FAM227B: variants seen among roughly 807,000 people sequenced by gnomAD.
FAM227B encodes family with sequence similarity 227 member B, also known as protein FAM227B.
In FAM227B, 88 loss-of-function variants were observed where a neutral mutation model predicts 73.8. The observed-to-expected ratio is 1.19, with a 90% CI of 1.00 to 1.42. The LOEUF (loss-of-function observed/expected upper bound fraction) is 1.42. Ranked by LOEUF, FAM227B falls within the 40% of genes most tolerant of loss-of-function variation. The pLI is 0.00. For synonymous variants in FAM227B, 210 were observed against 190.5 expected (o/e 1.10, Z -0.84); for missense variants, 632 against 590.9 (o/e 1.07, Z -0.72).
chr15:49,601,365 A>G (rs962199036), intron 3 of FAM227B, among the ~76,000 whole-genome samples: 3 of 152,032 alleles, frequency 2.0e-5, no homozygotes, highest in Non-Finnish European at 4.4e-5. Context: ...TTTTGGGATG[A>G]TAACAACTTC....
At chr15:49,362,769 A>C (rs1310857221) in intron 13 of FAM227B, among the ~76,000 whole-genome samples, 3 of 152,068 alleles carry the variant, frequency 2.0e-5, no homozygotes, top group Non-Finnish European at 4.4e-5. Context: ...TCTTACACTT[A>C]AGTCTTTCAT....
intron 10 of FAM227B, among the ~76,000 whole-genome samples, chr15:49,519,864 T>C (rs2059656722): frequency 6.6e-6 from 1 of 152,192 alleles, no homozygotes; most frequent in Admixed American, 6.5e-5. Context: ...CCTCAGAAAA[T>C]GGGCTTTTCT....
intron 9 of FAM227B, among the ~76,000 whole-genome samples, chr15:49,550,210 G>A (rs1462967147): frequency 1.4e-5 from 2 of 139,838 alleles, no homozygotes; most frequent in African/African-American, 2.7e-5. Context: ...GCGGGGGGCT[G>A]ACCCCCCCAC....
intron 10 of FAM227B, among the ~76,000 whole-genome samples, chr15:49,520,121 T>C (rs1200281783): frequency 2.0e-5 from 3 of 152,152 alleles, no homozygotes; most frequent in African/African-American, 7.2e-5. Flanking sequence ...ATTAGTCTCT[T>C]TGCTAAAGAG....
At chr15:49,395,932 A>T (rs981176304) in intron 11 of FAM227B, 60 of 455,866 alleles carry the variant, frequency 1.3e-4, no homozygotes, top group African/African-American at 1.2e-3. Flanking sequence ...CATGAATGCC[A>T]TGTCCAAAGA....
intron 10 of FAM227B, among the ~76,000 whole-genome samples, chr15:49,527,215 G>T (rs1182167440): frequency 6.6e-6 from 1 of 151,902 alleles, no homozygotes; most frequent in African/African-American, 2.4e-5. Flanking sequence ...TTATTCCAGG[G>T]ATGTAAGGAT....
intron 13 of FAM227B, among the ~76,000 whole-genome samples, chr15:49,360,966 C>T (rs2044119107): frequency 1.3e-5 from 2 of 152,022 alleles, no homozygotes. Context: ...ATAATGTCAT[C>T]CTCCCTCTTG....
At chr15:49,412,223 CT>C (rs1161733092) in intron 11 of FAM227B, among the ~76,000 whole-genome samples, 1 of 151,998 alleles carries the variant, frequency 6.6e-6, no homozygotes, top group Non-Finnish European at 1.5e-5. Context: ...TGTTGTTCTT[CT>C]GGGCACTATA....
intron 3 of FAM227B, among the ~76,000 whole-genome samples, chr15:49,592,577 C>T (rs574874171): frequency 6.6e-6 from 1 of 152,330 alleles, no homozygotes; most frequent in East Asian, 1.9e-4. Flanking sequence ...CACAGTTGCA[C>T]TTGCCTGTAT....
At chr15:49,426,185 T>A (rs1239046511) in intron 11 of FAM227B, among the ~76,000 whole-genome samples, 2 of 151,894 alleles carry the variant, frequency 1.3e-5, no homozygotes, top group Non-Finnish European at 2.9e-5. Flanking sequence ...CAATTTTTCA[T>A]CTATAAAATG....
At chr15:49,488,171 T>A (rs1261493443) in intron 11 of FAM227B, 3 of 151,832 alleles carry the variant, frequency 2.0e-5, no homozygotes, top group Non-Finnish European at 4.4e-5. Context: ...GTTGGGAAAA[T>A]ATCTATTAAC....
chr15:49,332,087 CCACACACACACACA>C (rs377139081), intron 14 of FAM227B, among the ~76,000 whole-genome samples: 3,477 of 127,976 alleles, frequency 0.027, 130 homozygotes, highest in African/African-American at 0.085. Context: ...TGCACACGTG[CCACACACACACACA>C]CACACACACA....
intron 13 of FAM227B, among the ~76,000 whole-genome samples, chr15:49,344,463 G>T (rs1017458132): frequency 6.6e-6 from 1 of 152,052 alleles, no homozygotes; most frequent in African/African-American, 2.4e-5. Flanking sequence ...TAACTTTATT[G>T]TGTTTCTTTA....
At chr15:49,538,931 G>A (rs1243173020) in intron 10 of FAM227B, among the ~76,000 whole-genome samples, 1 of 150,976 alleles carries the variant, frequency 6.6e-6, no homozygotes, top group East Asian at 1.9e-4. Flanking sequence ...TCAGGAAATT[G>A]TTGAGTATCC....
intron 13 of FAM227B, chr15:49,365,957 A>G: frequency 1.1e-6 from 1 of 873,606 alleles, no homozygotes; most frequent in Non-Finnish European, 2.0e-6. Flanking sequence ...TAAACTAACC[A>G]TTTGTGGAAG....
chr15:49,591,044 G>T (rs151178804), intron 3 of FAM227B, among the ~76,000 whole-genome samples: 1,117 of 44,696 alleles, frequency 0.025, no homozygotes, highest in Middle Eastern at 0.12. Context: ...TTTTTTTTTT[G>T]ATTTTTTTTT....
intron 9 of FAM227B, among the ~76,000 whole-genome samples, chr15:49,549,564 A>G (rs930852092): frequency 6.6e-6 from 1 of 151,988 alleles, no homozygotes; most frequent in Non-Finnish European, 1.5e-5. Flanking sequence ...GCATCTGTTT[A>G]ACAAAGCACA....
intron 13 of FAM227B, among the ~76,000 whole-genome samples, chr15:49,345,421 G>A (rs911433190): frequency 6.6e-6 from 1 of 152,136 alleles, no homozygotes; most frequent in Non-Finnish European, 1.5e-5. Context: ...ACTCAGTGGT[G>A]ATGGTTTTCA....
chr15:49,485,502 G>C (rs1225185502), intron 11 of FAM227B: 2 of 151,884 alleles, frequency 1.3e-5, no homozygotes, highest in African/African-American at 4.9e-5. Flanking sequence ...AGCTGTATCT[G>C]TTTCATATGC....
Sources: gnomAD v4.1 joint callset for allele counts (sites outside exome capture counted in the v4.1 genomes callset) on GRCh38, gnomAD v4.1.1 for gene constraint, MANE v1.5 for transcripts, NCBI Gene and HGNC (gene_info 2026-07-23, HGNC 2026-07-21) for gene names.